PRR16: variants seen among roughly 807,000 people sequenced by gnomAD.
PRR16 encodes the protein protein Largen.
A neutral mutation model predicts 18.2 loss-of-function variants in PRR16; 6 were observed. The observed-to-expected ratio is 0.33, with a 90% CI of 0.18 to 0.65. PRR16 has a LOEUF of 0.65. Among genes scored for constraint, PRR16 ranks in the 30% least tolerant of loss-of-function variants. The pLI, the probability that PRR16 is intolerant of heterozygous loss-of-function variation, is 0.74. For missense variants in PRR16, 412 were observed against 376.6 expected, an observed-to-expected ratio of 1.09 and a Z score of -0.78; for synonymous variants, 151 against 147.8, an observed-to-expected ratio of 1.02 and a Z score of -0.16.
chr5:120,719,987 A>C, the PRR16 span, among the ~76,000 whole-genome samples: 3 of 152,066 alleles, frequency 2.0e-5, no homozygotes, highest in African/African-American at 7.2e-5. Flanking sequence ...CAAATTAAAG[A>C]ACCTTCTATA....
intron 1 of PRR16, among the ~76,000 whole-genome samples, chr5:120,589,239 A>G (rs1370752173): frequency 2.6e-5 from 4 of 152,180 alleles, no homozygotes; most frequent in African/African-American, 9.7e-5. Context: ...TTTTAAAAAT[A>G]TGCATACTCC....
At chr5:120,652,715 A>T (rs2150132702) in intron 1 of PRR16, among the ~76,000 whole-genome samples, 1 of 152,142 alleles carries the variant, frequency 6.6e-6, no homozygotes, top group African/African-American at 2.4e-5. Context: ...AGGAGACATG[A>T]TACATACAGT....
rs10606917 is a variant in PRR16, at chr5:120,646,048, TTATATATATA to T, written c.160-39888_160-39879del. 7.0e-4 allele frequency among the ~76,000 whole-genome samples: 74 copies of T among 104,994 alleles called. 1 individual carries two copies. The East Asian group carries it at 0.014, about 20-fold the overall frequency. The allele number at this position is 104,994 out of a possible 152,430, so 68.9% of individuals were successfully genotyped here. A position where few individuals can be genotyped will look rare whatever the true frequency, so the allele number is the denominator to read the frequency against. On this transcript the variant is annotated intron_variant, in intron 1 of 1. Coordinates refer to ENST00000407149, the MANE Select transcript of PRR16 (RefSeq NM_001300783.2). ...CAAATTACAAAAAAAAATACATATT[TTATATATATA>T]TATATATATATATATATCATAGTTT...
intron 1 of PRR16, among the ~76,000 whole-genome samples, chr5:120,516,868 A>G (rs1751015147): frequency 6.6e-6 from 1 of 152,172 alleles, no homozygotes; most frequent in Non-Finnish European, 1.5e-5. Flanking sequence ...CGTTTTAGCA[A>G]TTTCCATATG....
At chr5:120,745,128 T>C in the PRR16 span, among the ~76,000 whole-genome samples, 2 of 152,184 alleles carry the variant, frequency 1.3e-5, no homozygotes, top group Non-Finnish European at 2.9e-5. Context: ...ATAATGAGAT[T>C]GTCAAAGTGA....
At chr5:120,595,877 A>C (rs1352649911) in intron 1 of PRR16, among the ~76,000 whole-genome samples, 1 of 152,016 alleles carries the variant, frequency 6.6e-6, no homozygotes, top group African/African-American at 2.4e-5. Context: ...TGCAACTTGC[A>C]TATACCTTTA....
At chr5:120,749,610 C>G in the PRR16 span, among the ~76,000 whole-genome samples, 2 of 152,102 alleles carry the variant, frequency 1.3e-5, no homozygotes, top group Non-Finnish European at 1.5e-5. Flanking sequence ...TTTTCAATCT[C>G]TTTGCATTGA....
intron 1 of PRR16, among the ~76,000 whole-genome samples, chr5:120,663,581 T>C (rs1756252344): frequency 6.6e-6 from 1 of 152,202 alleles, no homozygotes. Flanking sequence ...TCATTCTTCA[T>C]CATGCCATCT....
intron 1 of PRR16, among the ~76,000 whole-genome samples, chr5:120,539,721 A>G (rs762072876): frequency 1.4e-4 from 22 of 152,194 alleles, no homozygotes; most frequent in Non-Finnish European, 4.4e-5. Flanking sequence ...AGGGTGTAGG[A>G]AGAGCATTTT....
the PRR16 span, among the ~76,000 whole-genome samples, chr5:120,714,070 C>CT: frequency 1.2e-3 from 174 of 150,174 alleles, 1 homozygote; most frequent in East Asian, 0.022. Context: ...AATGTAATGT[C>CT]TTTTTTTTTA....
At chr5:120,680,924 T>C (rs1269221782) in intron 1 of PRR16, among the ~76,000 whole-genome samples, 1 of 152,198 alleles carries the variant, frequency 6.6e-6, no homozygotes, top group Admixed American at 6.5e-5. Flanking sequence ...TATTTATTTA[T>C]TCACCTAAGT....
intron 1 of PRR16, among the ~76,000 whole-genome samples, chr5:120,630,577 C>CTT (rs35131515): frequency 1.3e-5 from 2 of 151,364 alleles, no homozygotes; most frequent in African/African-American, 4.9e-5. Flanking sequence ...AAACGAACAC[C>CTT]TTTTTTTTTT....
chr5:120,665,712 G>A (rs897093597), intron 1 of PRR16, among the ~76,000 whole-genome samples: 5 of 151,940 alleles, frequency 3.3e-5, no homozygotes, highest in African/African-American at 9.7e-5. Flanking sequence ...TATTAAATAG[G>A]GAATCCTTCC....
At chr5:120,774,513 AAGCCACCC>A in the PRR16 span, among the ~76,000 whole-genome samples, 7 of 152,266 alleles carry the variant, frequency 4.6e-5, no homozygotes, top group African/African-American at 1.7e-4. Flanking sequence ...AAGTGCATAG[AAGCCACCC>A]GATGCTACTG....
intron 1 of PRR16, among the ~76,000 whole-genome samples, chr5:120,477,313 G>A (rs2601209): frequency 0.4 from 60,562 of 151,624 alleles, 12,883 homozygotes; most frequent in African/African-American, 0.53. Flanking sequence ...AACTGAACCC[G>A]GATCTCCCCC....
intron 1 of PRR16, among the ~76,000 whole-genome samples, chr5:120,568,643 T>C (rs992575867): frequency 6.6e-6 from 1 of 152,174 alleles, no homozygotes; most frequent in African/African-American, 2.4e-5. Context: ...ATAGCAGATA[T>C]GCTATAGTAT....
At chr5:120,794,142 G>C in the PRR16 span, among the ~76,000 whole-genome samples, 2 of 152,080 alleles carry the variant, frequency 1.3e-5, no homozygotes, top group Admixed American at 6.6e-5. Context: ...CAACAGGAAA[G>C]ATTTACTTGC....
intron 1 of PRR16, among the ~76,000 whole-genome samples, chr5:120,613,850 A>G (rs916809464): frequency 2.6e-5 from 4 of 152,194 alleles, no homozygotes; most frequent in Admixed American, 6.5e-5. Context: ...TGTTTAGCCT[A>G]AGAGCTGAGC....
chr5:120,567,258 T>C (rs1752766667), intron 1 of PRR16, among the ~76,000 whole-genome samples: 1 of 152,100 alleles, frequency 6.6e-6, no homozygotes, highest in Admixed American at 6.5e-5. Flanking sequence ...TTTGGCCTAC[T>C]TTCTCTTTTC....
Sources: allele counts gnomAD v4.1 joint callset (sites outside exome capture counted in the v4.1 genomes callset), GRCh38; gene constraint gnomAD v4.1.1; transcripts MANE v1.5; gene names NCBI Gene and HGNC (gene_info 2026-07-23, HGNC 2026-07-21).